Variants in LARGE1 observed in about 807,000 individuals in gnomAD.
The protein encoded by LARGE1 is xylosyl- and glucuronyltransferase LARGE1.
LARGE1 carries 43 observed loss-of-function variants against 87.6 expected under a neutral mutation model. That is an observed-to-expected ratio of 0.49 (90% CI 0.38 to 0.63). The LOEUF (loss-of-function observed/expected upper bound fraction) is 0.63, where lower values mean the gene tolerates loss of function less well. LARGE1 is among the 30% of genes least tolerant of loss of function. LARGE1 has a pLI of 0.00. For missense variants in LARGE1, 802 were observed against 1,000.2 expected (o/e 0.80, Z 2.67); for synonymous variants, 434 against 394.6 (o/e 1.10, Z -1.18).
chr22:33,348,631 G>C (rs151226120), intron 9 of LARGE1, among the ~76,000 whole-genome samples: 1,577 of 152,172 alleles, frequency 0.01, 10 homozygotes, highest in South Asian at 0.017. Flanking sequence ...CAAAGCAAAT[G>C]GCTCTTCCCA....
rs1933901216 is a variant in LARGE1, at chr22:33,299,819, C to T, written c.1730+4410G>A. Among the ~76,000 whole-genome samples, 3 of 152,162 alleles carry T rather than the reference C, an allele frequency of 2.0e-5. No individual in the cohort carries two copies. In the South Asian group the frequency reaches 6.2e-4, roughly 32 times the overall value. On this transcript the variant is annotated intron_variant, in intron 12 of 14. Transcript: ENST00000397394. ...CTCTGCCATGCCCCGCTGACTTTCG[C>T]CTGACATTTCTGAGATCAAAAGTGA...
the LARGE1 span, among the ~76,000 whole-genome samples, chr22:33,068,365 G>C: frequency 6.6e-6 from 1 of 152,194 alleles, no homozygotes; most frequent in Non-Finnish European, 1.5e-5. Context: ...CAGAGTTGGG[G>C]CCGGGCACGG....
chr22:33,414,069 G>A (rs2066403698), intron 7 of LARGE1, among the ~76,000 whole-genome samples: 1 of 152,154 alleles, frequency 6.6e-6, no homozygotes, highest in African/African-American at 2.4e-5. Flanking sequence ...GAGTGGGATT[G>A]CTGGATCATA....
chr22:33,115,834 A>AG, the LARGE1 span, among the ~76,000 whole-genome samples: 10 of 151,348 alleles, frequency 6.6e-5, no homozygotes, highest in Admixed American at 4.6e-4. Context: ...AAAAAAAAAA[A>AG]AGAGATACCA....
intron 6 of LARGE1, among the ~76,000 whole-genome samples, chr22:33,459,286 T>C (rs1249733908): frequency 6.6e-6 from 1 of 152,172 alleles, no homozygotes; most frequent in Non-Finnish European, 1.5e-5. Flanking sequence ...GTTGTAGAGC[T>C]GAGATTCAAA....
intron 11 of LARGE1, among the ~76,000 whole-genome samples, chr22:33,228,027 T>C (rs1041490568): frequency 2.6e-5 from 4 of 152,376 alleles, no homozygotes; most frequent in Admixed American, 2.6e-4. Context: ...TCAACATATA[T>C]TTATTTAAGT....
At position 33,881,403 on chromosome 22, in the gene LARGE1, G is replaced by A. The variant is rs79912524; in HGVS notation, c.-83+38592C>T. ...GGAAAGGTGAGCATCTGTGTGGGAA[G>A]GCTGGTCTAAACCTCATCACCTGGA... On this transcript the variant is annotated intron_variant, in intron 1 of 14. Transcript: ENST00000397394. 6.6e-4 allele frequency among the ~76,000 whole-genome samples: 101 copies of A among 152,300 alleles called. No individual in the cohort carries two copies. In the East Asian group the frequency reaches 0.013, roughly 19 times the overall value.
chr22:33,328,268 T>C (rs1937413075), intron 10 of LARGE1, among the ~76,000 whole-genome samples: 2 of 152,144 alleles, frequency 1.3e-5, no homozygotes, highest in Non-Finnish European at 2.9e-5. Flanking sequence ...AATTCACCTC[T>C]CTGAGCTTCT....
At chr22:33,248,883 A>G (rs1926891082) in intron 11 of LARGE1, among the ~76,000 whole-genome samples, 1 of 152,204 alleles carries the variant, frequency 6.6e-6, no homozygotes, top group Non-Finnish European at 1.5e-5. Context: ...TCATGGCTTA[A>G]TAGCTCATTT....
In LARGE1 at chr22:33,656,644, C is replaced by A. The variant is rs2080968498; in HGVS notation, c.107-5976G>T. On this transcript the variant is annotated intron_variant, in intron 2 of 14. Coordinates refer to ENST00000397394, the MANE Select transcript of LARGE1 (RefSeq NM_133642.5). ...TATTACCTTTCCTTCCAGGTTTCTA[C>A]TCTTTAGATATACACAGTCTATGTA... is the stretch of plus-strand genomic sequence containing the variant. 2.0e-5 allele frequency among the ~76,000 whole-genome samples: 3 copies of A among 152,298 alleles called. No individual in the cohort carries two copies. In the South Asian group the frequency reaches 6.2e-4, roughly 32 times the overall value.
chr22:33,756,433 T>C (rs1295464414), intron 2 of LARGE1, among the ~76,000 whole-genome samples: 2 of 151,992 alleles, frequency 1.3e-5, no homozygotes, highest in African/African-American at 4.8e-5. Context: ...TACAAGGAGT[T>C]AGGTAAATAG....
chr22:33,075,751 T>C, the LARGE1 span, among the ~76,000 whole-genome samples: 1 of 152,224 alleles, frequency 6.6e-6, no homozygotes, highest in Admixed American at 6.5e-5. Context: ...TCTATTTTCC[T>C]TCACGGTATC....
intron 6 of LARGE1, among the ~76,000 whole-genome samples, chr22:33,498,705 C>A (rs929954720): frequency 3.9e-5 from 6 of 152,342 alleles, no homozygotes; most frequent in Non-Finnish European, 5.9e-5. Context: ...GGCGCGGGGG[C>A]TCACACCTGT....
chr22:33,337,695 C>A lies in LARGE1; in HGVS notation c.1238G>T (p.Arg413Met), dbSNP rs1938632955. ...TFLEYDGNLL[R>M]RELFGCPSEA... The stretch of plus-strand genomic sequence containing the variant: ...ACTGGGGCAGCCAAACAGTTCCCGC[C>A]TCAGAAGATTGCCGTCATACTCCAG... Residue 413 changes from arginine (R) to methionine (M), a missense_variant, in exon 10 of 15, where the codon AGG (arginine) becomes ATG (methionine). Physicochemically the swap from Arg to Met is moderately conservative, Grantham distance 91. Transcript: ENST00000397394. 6.2e-7 allele frequency: 1 copy of A among 1,614,016 alleles called. No individual in the cohort carries two copies. The highest frequency in any genetic ancestry group is 8.5e-7 in the Non-Finnish European group (1 of 1,180,030).
intron 2 of LARGE1, among the ~76,000 whole-genome samples, chr22:33,748,811 G>A (rs187189937): frequency 6.6e-6 from 1 of 152,206 alleles, no homozygotes; most frequent in Non-Finnish European, 1.5e-5. Context: ...GGAAGTGCCA[G>A]TGCATTTATG....
chr22:33,380,786 T>C (rs924869319), intron 9 of LARGE1, among the ~76,000 whole-genome samples: 1 of 152,238 alleles, frequency 6.6e-6, no homozygotes, highest in African/African-American at 2.4e-5. Flanking sequence ...ATAAACTTTA[T>C]ATGGAACAAA....
At chr22:33,179,241 G>A (rs913936500) in intron 11 of LARGE1, among the ~76,000 whole-genome samples, 18 of 152,152 alleles carry the variant, frequency 1.2e-4, no homozygotes, top group African/African-American at 4.1e-4. Context: ...AGCTATGGGG[G>A]CAAAAGCTGT....
the LARGE1 span, among the ~76,000 whole-genome samples, chr22:33,138,450 A>T: frequency 1.3e-5 from 2 of 148,422 alleles, no homozygotes; most frequent in South Asian, 2.1e-4. Context: ...TTATTTTTTC[A>T]TTTTTTTTTT....
intron 1 of LARGE1, among the ~76,000 whole-genome samples, chr22:33,843,012 G>T (rs1185326800): frequency 6.6e-6 from 1 of 152,072 alleles, no homozygotes; most frequent in East Asian, 1.9e-4. Flanking sequence ...TCCTCTGGGG[G>T]GGTCCTGTCT....
Sources: gnomAD v4.1 joint callset for allele counts (sites outside exome capture counted in the v4.1 genomes callset) on GRCh38, gnomAD v4.1.1 for gene constraint, MANE v1.5 for transcripts, NCBI Gene and HGNC (gene_info 2026-07-23, HGNC 2026-07-21) for gene names.